Variants in ACSM4 observed in about 807,000 individuals in gnomAD.
ACSM4 encodes the protein acyl-coenzyme A synthetase ACSM4, mitochondrial.
In ACSM4, 66 loss-of-function variants were observed where a neutral mutation model predicts 73.0. The ratio of observed to expected loss-of-function variants is 0.90; its 90% CI spans 0.74 to 1.11. The LOEUF is 1.11. Among genes scored for constraint, ACSM4 ranks in the 50% least tolerant of loss-of-function variants. The pLI, the probability that ACSM4 is intolerant of heterozygous loss-of-function variation, is 0.00. For synonymous variants in ACSM4, 222 were observed against 254.0 expected (o/e 0.87, Z 1.20); for missense variants, 645 against 714.4 (o/e 0.90, Z 1.11).
chr12:7,314,676 G>T (rs1591843184), intron 3 of ACSM4, among the ~76,000 whole-genome samples: 1 of 152,012 alleles, frequency 6.6e-6, no homozygotes, highest in African/African-American at 2.4e-5. Flanking sequence ...CTATCAAAAG[G>T]TTTCCATACT....
rs371320201 is a variant in ACSM4, at chr12:7,328,329, A to G, written c.1699A>G (p.Ile567Val). The change falls in exon 13 of 13, where the codon ATC becomes GTC. Residue 567 changes from isoleucine to valine, a missense_variant. Ile to Val is a conservative substitution (Grantham distance 29). Transcript: ENST00000399422. The stretch of plus-strand genomic sequence containing the variant: ...ACTCCCAAAGACAATCACTGGGAAA[A>G]TCAAACGCAACGTTTTAAGAGACCA... ...QELPKTITGKIKRNVLRDQEW... is the reference protein window; with the variant it reads ...QELPKTITGKVKRNVLRDQEW... 2.5e-5 allele frequency: 40 copies of G among 1,595,822 alleles called. No homozygotes were observed. Among genetic ancestry groups the G allele is most frequent in the Non-Finnish European group, 3.2e-5 (37 of 1,170,624 alleles).
chr12:7,310,369 G>C (rs1460098879), intron 2 of ACSM4, among the ~76,000 whole-genome samples, 170 bp from the exon 3 acceptor site: 2 of 152,198 alleles, frequency 1.3e-5, no homozygotes, highest in Non-Finnish European at 2.9e-5. Context: ...AGTGCTCCAA[G>C]GGATCTCTCA....
rs146285219 is a variant in ACSM4, at chr12:7,311,739, A to G, written c.620+993A>G. ...AGGGTCTCACTTTGTCACCCAGGCT[A>G]GAGTACAGTGGTGTGATCTCAGCTC... On this transcript the variant is annotated intron_variant, in intron 3 of 12. Transcript: ENST00000399422. Among the ~76,000 whole-genome samples, 707 of 152,146 alleles carry G rather than the reference A, an allele frequency of 4.6e-3. 2 individuals are homozygous for G. Among genetic ancestry groups the G allele is most frequent in the African/African-American group, 0.016 (663 of 41,520 alleles).
intron 6 of ACSM4, 99 bp from the exon 7 acceptor site, chr12:7,322,319 C>T: frequency 1.3e-6 from 2 of 1,537,110 alleles, no homozygotes; most frequent in Non-Finnish European, 1.8e-6. Context: ...AGACTTGCCT[C>T]TCCTAGCTGC....
intron 3 of ACSM4, among the ~76,000 whole-genome samples, chr12:7,315,996 G>C (rs1161445659): frequency 2.0e-5 from 3 of 152,184 alleles, no homozygotes; most frequent in Admixed American, 6.5e-5. Flanking sequence ...TTGAGGCCTA[G>C]GCTGAGAAGT....
chr12:7,316,257 T>C (rs1166746033), intron 3 of ACSM4, among the ~76,000 whole-genome samples: 1 of 152,136 alleles, frequency 6.6e-6, no homozygotes, highest in African/African-American at 2.4e-5. Context: ...GTCAATGAAA[T>C]TAACATGGAC....
At chr12:7,321,510 C>T (rs1310529816) in intron 6 of ACSM4, among the ~76,000 whole-genome samples, 1 of 152,238 alleles carries the variant, frequency 6.6e-6, no homozygotes, top group East Asian at 1.9e-4. Context: ...TGGATCTTCT[C>T]TTTTCCTAGT....
chr12:7,316,146 A>T (rs1281579898), intron 3 of ACSM4, among the ~76,000 whole-genome samples: 1 of 152,238 alleles, frequency 6.6e-6, no homozygotes, highest in East Asian at 1.9e-4. Flanking sequence ...GATAACTAAT[A>T]CAATATCTAA....
chr12:7,312,399 G>A (rs1275498499), intron 3 of ACSM4, among the ~76,000 whole-genome samples: 1 of 152,118 alleles, frequency 6.6e-6, no homozygotes, highest in Non-Finnish European at 1.5e-5. Flanking sequence ...TGAGTGAAGT[G>A]TTAATTAATG....
intron 6 of ACSM4, among the ~76,000 whole-genome samples, chr12:7,322,184 C>T (rs1489940961): frequency 6.6e-6 from 1 of 152,166 alleles, no homozygotes; most frequent in Non-Finnish European, 1.5e-5. Context: ...AAGTTCTCCT[C>T]CACCTGCTAA....
intron 5 of ACSM4, among the ~76,000 whole-genome samples, chr12:7,320,112 C>T (rs1422319900): frequency 6.6e-6 from 1 of 152,088 alleles, no homozygotes; most frequent in African/African-American, 2.4e-5. Flanking sequence ...CATTAAGGGA[C>T]ATAGTGGAAC....
At chr12:7,304,613 A>G in intron 1 of ACSM4, 81 bp downstream of exon 1, 1 of 1,419,378 alleles carries the variant, frequency 7.0e-7, no homozygotes, top group Non-Finnish European at 9.8e-7. Flanking sequence ...GTGGTCTACC[A>G]CTTAATTCCA....
chr12:7,318,897 G>A (rs1033315488), intron 5 of ACSM4, among the ~76,000 whole-genome samples: 7 of 152,170 alleles, frequency 4.6e-5, no homozygotes, highest in African/African-American at 1.7e-4. Context: ...ATGGTTTAAG[G>A]CAGCAGTCTG....
intron 2 of ACSM4, among the ~76,000 whole-genome samples, chr12:7,310,077 G>A (rs985995806): frequency 7.9e-5 from 12 of 152,186 alleles, no homozygotes; most frequent in African/African-American, 2.7e-4. Flanking sequence ...CCAAGCCACC[G>A]CGCCTGGCAG....
In ACSM4 at chr12:7,317,176, T is replaced by A; in HGVS notation, c.660T>A (p.Ser220Arg). Residue 220 changes from serine (S) to arginine (R), a missense_variant, in exon 4 of 13, where the codon AGT becomes AGA. Physicochemically the swap from Ser to Arg is moderately radical, Grantham distance 110. Coordinates refer to ENST00000399422, the MANE Select transcript of ACSM4 (RefSeq NM_001080454.2). ...SEEHSCVETGSQEPMTIYFTS... is the reference protein window; with the variant it reads ...SEEHSCVETGRQEPMTIYFTS... ...AGCACAGCTGTGTGGAAACAGGAAG[T>A]CAAGAACCAATGACCATTTATTTCA... 6.2e-7 allele frequency: 1 copy of A among 1,613,038 alleles called. No individual in the cohort carries two copies. The highest frequency in any genetic ancestry group is 8.5e-7 in the Non-Finnish European group (1 of 1,179,556).
intron 2 of ACSM4, among the ~76,000 whole-genome samples, chr12:7,309,825 C>T (rs1050025176): frequency 5.3e-5 from 8 of 152,102 alleles, no homozygotes; most frequent in African/African-American, 1.7e-4. Context: ...ACTCTGTCAC[C>T]AAGGCTAGAA....
chr12:7,328,517 A>G lies in ACSM4; in HGVS notation c.*144A>G. On this transcript the variant is annotated 3_prime_UTR_variant, in exon 13 of 13. Transcript: ENST00000399422. ...ACTGTTGATTTTTTGGTTTTTACTT[A>G]GCTAAAAAGTTTAAAAGTAAATAAA... 3.6e-6 allele frequency: 2 copies of G among 552,778 alleles called. No homozygotes were observed. The highest frequency in any genetic ancestry group is 5.7e-6 in the Non-Finnish European group (2 of 353,784). The allele number at this position is 552,778 out of a possible 1,614,324, so 34.2% of individuals were successfully genotyped here.
chr12:7,319,275 C>T (rs186032633), intron 5 of ACSM4, among the ~76,000 whole-genome samples: 71 of 152,144 alleles, frequency 4.7e-4, no homozygotes, highest in Admixed American at 1.8e-3. Context: ...TGACAGGAGG[C>T]GGAGCTCAGG....
intron 5 of ACSM4, among the ~76,000 whole-genome samples, chr12:7,320,134 G>A (rs1331941439): frequency 1.3e-5 from 2 of 152,148 alleles, no homozygotes; most frequent in Non-Finnish European, 2.9e-5. Flanking sequence ...TCTCCAGAAG[G>A]AGGAGCTCTA....
Sources: allele counts gnomAD v4.1 joint callset (sites outside exome capture counted in the v4.1 genomes callset), GRCh38; gene constraint gnomAD v4.1.1; transcripts MANE v1.5; gene names NCBI Gene and HGNC (gene_info 2026-07-23, HGNC 2026-07-21).